The following CROCC2 variants were observed in gnomAD, a reference collection of about 807,000 sequenced individuals.
CROCC2 encodes ciliary rootlet coiled-coil protein 2.
CROCC2 carries 163 observed loss-of-function variants against 177.6 expected under a neutral mutation model. That is an observed-to-expected ratio of 0.92 (90% CI 0.81 to 1.05). The LOEUF (loss-of-function observed/expected upper bound fraction) is 1.05. Among genes scored for constraint, CROCC2 ranks in the 50% least tolerant of loss-of-function variants. CROCC2 has a pLI of 0.00. For missense variants in CROCC2, 1,929 were observed against 1,797.8 expected, an observed-to-expected ratio of 1.07 and a Z score of -1.32; for synonymous variants, 904 against 787.3, an observed-to-expected ratio of 1.15 and a Z score of -2.48.
chr2:240,944,027 C>T (rs74000172), intron 14 of CROCC2, among the ~76,000 whole-genome samples: 5,522 of 152,216 alleles, frequency 0.036, 327 homozygotes, highest in African/African-American at 0.13. Context: ...TTCAACAACC[C>T]ACCTCACCAT....
chr2:240,952,841 G>T (rs2059565357), intron 18 of CROCC2, among the ~76,000 whole-genome samples: 1 of 152,170 alleles, frequency 6.6e-6, no homozygotes, highest in African/African-American at 2.4e-5. Context: ...AGAGGCTGAG[G>T]CAGGGTCCAT....
chr2:240,955,741 G>A (rs953244396), intron 18 of CROCC2, 118 bp from the exon 19 acceptor site: 3 of 654,746 alleles, frequency 4.6e-6, no homozygotes, highest in Non-Finnish European at 5.3e-6. Flanking sequence ...ACATGAACGT[G>A]CTGTGTCCAG....
chr2:240,919,932 G>T, intron 2 of CROCC2, 51 bp from the exon 3 acceptor site: 1 of 708,392 alleles, frequency 1.4e-6, no homozygotes, highest in Non-Finnish European at 2.6e-6. Flanking sequence ...ACAAGGCTGA[G>T]TGTGGGTGGG....
In CROCC2 at chr2:240,991,214, C is replaced by G. The variant is rs1007583909; in HGVS notation, c.4882C>G (p.Gln1628Glu). ...TCCCCAGGTGGCCAGCCTGAAGGAG[C>G]AACTGGACCAGGAAGTGCAGTGGCG... ...LEEQVASLKE[Q>E]LDQEVQWRQQ... Residue 1628 changes from glutamine (Q) to glutamate (E), a missense_variant, in exon 31 of 32, where the codon CAA (glutamine) becomes GAA (glutamate). By Grantham distance (29) the Gln-to-Glu change is conservative. This residue lies in a region of CROCC2 where 388 missense variants were observed against 352.7 expected (regional missense o/e 1.10). Coordinates refer to ENST00000690015, the MANE Select transcript of CROCC2 (RefSeq NM_001351305.2). 3.2e-6 allele frequency: 5 copies of G among 1,546,624 alleles called. No homozygotes were observed. Among genetic ancestry groups the G allele is most frequent in the Non-Finnish European group, 3.5e-6 (4 of 1,145,070 alleles).
rs772317465 is a variant in CROCC2, at chr2:240,931,324, G to A, written c.947+196G>A. Among the ~76,000 whole-genome samples, 40 of 152,220 alleles carry A rather than the reference G, an allele frequency of 2.6e-4. 1 individual carries two copies. Among genetic ancestry groups the A allele is most frequent in the Non-Finnish European group, 4.1e-4 (28 of 68,028 alleles). ...AGGGCACTCCCCTAATGCCCAGGAG[G>A]CAGACACTGGGGTCTCCTACAGTGA... On this transcript the variant is annotated intron_variant, in intron 7 of 31. Transcript: ENST00000690015.
At chr2:240,963,344 C>G (rs372332365) in intron 20 of CROCC2, 4 of 559,452 alleles carry the variant, frequency 7.1e-6, no homozygotes, top group Non-Finnish European at 1.3e-5. Context: ...CTTCTGGGCT[C>G]TTAGGCTGGC....
In CROCC2 at chr2:240,953,558, C is replaced by A. The variant is rs1051865511; in HGVS notation, c.2830-2301C>A. ...CACAGACGGGCTGGCCTGTGGGGAG[C>A]CCTTGCCGGTGCAGCAAGTGAGTTT... On this transcript the variant is annotated intron_variant, in intron 18 of 31. Transcript: ENST00000690015. The surrounding 1 kb of genome is among the most constrained non-coding windows in gnomAD (Gnocchi z 4.0). Among the ~76,000 whole-genome samples, 13 of 152,134 alleles carry A rather than the reference C, an allele frequency of 8.5e-5. No homozygotes were observed. The highest frequency in any genetic ancestry group is 1.5e-4 in the Non-Finnish European group (10 of 68,020).
intron 19 of CROCC2, chr2:240,956,489 C>T (rs59671913): frequency 2.8e-4 from 45 of 158,014 alleles, no homozygotes; most frequent in African/African-American, 8.9e-4. Context: ...GAAGCGTCCG[C>T]GGAGGGGCTA....
intron 18 of CROCC2, among the ~76,000 whole-genome samples, chr2:240,952,214 G>T (rs889499023): frequency 4.6e-5 from 7 of 151,688 alleles, no homozygotes; most frequent in African/African-American, 1.7e-4. Flanking sequence ...GGGCATGGTG[G>T]TGGGGACCTG....
chr2:240,931,223 A>C (rs2059429245), intron 7 of CROCC2, 95 bp downstream of exon 7: 1 of 617,228 alleles, frequency 1.6e-6, no homozygotes, highest in Non-Finnish European at 2.9e-6. Flanking sequence ...AGATGTGGTC[A>C]CACCGTTCCA....
At chr2:240,970,457 C>G (rs532357957) in intron 27 of CROCC2, among the ~76,000 whole-genome samples, 51 of 152,330 alleles carry the variant, frequency 3.3e-4, no homozygotes, top group Non-Finnish European at 5.7e-4. Flanking sequence ...TTCTCCTTTC[C>G]GTGTGTCTTT....
chr2:240,949,187 C>A lies in CROCC2; in HGVS notation c.2482+90C>A, dbSNP rs1179484899. On this transcript the variant is annotated intron_variant, in intron 16 of 31. Coordinates refer to ENST00000690015, the MANE Select transcript of CROCC2 (RefSeq NM_001351305.2). The surrounding 1 kb of genome is among the most constrained non-coding windows in gnomAD (Gnocchi z 4.5). ...GAGCTCAGTGCCCACACGTGCTGCA[C>A]CCCCTCTCCGGAGCCCACAGGGGCA... The A allele has an allele frequency of 1.4e-6, 2 of 1,448,748 alleles. No individual in the cohort carries two copies. Among genetic ancestry groups the A allele is most frequent in the Non-Finnish European group, 1.8e-6 (2 of 1,105,426 alleles). 89.7% of individuals were successfully genotyped at this position (1,448,748 alleles called of 1,614,324 possible).
chr2:240,960,806 C>G lies in CROCC2; in HGVS notation c.3087+1362C>G, dbSNP rs189826624. 7.4e-4 allele frequency among the ~76,000 whole-genome samples: 113 copies of G among 151,794 alleles called. No individual in the cohort carries two copies. Among genetic ancestry groups the G allele is most frequent in the Non-Finnish European group, 1.4e-3 (92 of 67,968 alleles). On this transcript the variant is annotated intron_variant, in intron 20 of 31. Transcript: ENST00000690015. This position sits in a 1 kb window ranked among gnomAD's most constrained non-coding sequence, Gnocchi z 5.0. ...AGAGAACATGATTTAACATGACCGG[C>G]TGTTTACATTGGCCCCAAGGAGAAA...
At chr2:240,987,728 G>C (rs967932087) in intron 28 of CROCC2, among the ~76,000 whole-genome samples, 1 of 152,260 alleles carries the variant, frequency 6.6e-6, no homozygotes, top group African/African-American at 2.4e-5. Context: ...GCCAACAGAG[G>C]ACTGACCTGG....
chr2:240,938,464 C>T (rs2059481354), intron 14 of CROCC2, among the ~76,000 whole-genome samples: 1 of 152,218 alleles, frequency 6.6e-6, no homozygotes, highest in Non-Finnish European at 1.5e-5. Context: ...ATTATGATAG[C>T]TTTTTAGTAA....
At chr2:240,942,297 A>G (rs890279349) in intron 14 of CROCC2, among the ~76,000 whole-genome samples, 2 of 152,206 alleles carry the variant, frequency 1.3e-5, no homozygotes, top group Non-Finnish European at 1.5e-5. Context: ...CCATTCACAC[A>G]CACACACTCA....
intron 7 of CROCC2, among the ~76,000 whole-genome samples, chr2:240,932,086 G>A (rs2059435026): frequency 6.6e-6 from 1 of 152,260 alleles, no homozygotes; most frequent in African/African-American, 2.4e-5. Flanking sequence ...TCTGAGGCTG[G>A]AGAGCTGGTC....
chr2:240,963,391 G>T lies in CROCC2; in HGVS notation c.3088-165G>T, dbSNP rs990054557. On this transcript the variant is annotated intron_variant, in intron 20 of 31. Coordinates refer to ENST00000690015, the MANE Select transcript of CROCC2 (RefSeq NM_001351305.2). The stretch of plus-strand genomic sequence containing the variant: ...CCGTGGAAGCCGCCCTGCAGCCTCC[G>T]CAGCACTAGGGATTGGTGGCTCCAT... 4.3e-6 allele frequency: 3 copies of T among 690,232 alleles called. No individual in the cohort carries two copies. The South Asian group carries it at 7.2e-5, about 16-fold the overall frequency. 42.8% of individuals were successfully genotyped at this position (690,232 alleles called of 1,614,324 possible).
Position 240,933,244 on chromosome 2 carries a change from TCGGGAGCAGGCA to T in CROCC2, c.1371_1382del (p.Gln458_Glu461del). On this transcript the variant is annotated inframe_deletion, in exon 10 of 32. Coordinates refer to ENST00000690015, the MANE Select transcript of CROCC2 (RefSeq NM_001351305.2). Reference sequence around the variant, plus strand: ...CACAGAAGCTCCAGCAGGAGCGGGCTCGGGAGCAGGCACGGGAACGAGAGGCTCTTCGGGGCC... The same window carrying T: ...CACAGAAGCTCCAGCAGGAGCGGGCTCGGGAACGAGAGGCTCTTCGGGGCC... 1 of 1,549,214 alleles carries T rather than the reference TCGGGAGCAGGCA, an allele frequency of 6.5e-7. No homozygotes were observed. The highest frequency in any genetic ancestry group is 8.7e-7 in the Non-Finnish European group (1 of 1,146,680).
Sources: gnomAD v4.1 joint callset for allele counts (sites outside exome capture counted in the v4.1 genomes callset) on GRCh38, gnomAD v4.1.1 for gene constraint, gnomAD v4.1.1 regional missense constraint, Gnocchi (gnomAD v3.1) non-coding constraint, MANE v1.5 for transcripts, NCBI Gene and HGNC (gene_info 2026-07-23, HGNC 2026-07-21) for gene names.